Variants in SS18 observed in about 807,000 individuals in gnomAD.
SS18 encodes the protein SS18 subunit of BAF chromatin remodeling complex.
SS18 carries 28 observed loss-of-function variants against 72.5 expected under a neutral mutation model. The observed-to-expected ratio is 0.39, with a 90% CI of 0.29 to 0.53. The LOEUF (loss-of-function observed/expected upper bound fraction) is 0.53, where lower values mean the gene tolerates loss of function less well. SS18 is among the 20% of genes least tolerant of loss of function. The pLI, the probability that SS18 is intolerant of heterozygous loss-of-function variation, is 0.76. For missense variants in SS18, 518 were observed against 535.3 expected, an observed-to-expected ratio of 0.97 and a Z score of 0.32; for synonymous variants, 172 against 164.2, an observed-to-expected ratio of 1.05 and a Z score of -0.37.
At chr18:26,021,443 T>C (rs887027420) in intron 10 of SS18, among the ~76,000 whole-genome samples, 1 of 152,192 alleles carries the variant, frequency 6.6e-6, no homozygotes, top group Non-Finnish European at 1.5e-5. Context: ...GCAGTAGTCA[T>C]GCAGCTTCAC....
At chr18:26,038,214 A>C (rs2053658694) in intron 7 of SS18, among the ~76,000 whole-genome samples, 1 of 152,164 alleles carries the variant, frequency 6.6e-6, no homozygotes, top group South Asian at 2.1e-4. Flanking sequence ...TGGCAGGTGA[A>C]TTATATCTTA....
intron 3 of SS18, among the ~76,000 whole-genome samples, chr18:26,060,596 C>T (rs547695837): frequency 1.3e-5 from 2 of 151,352 alleles, no homozygotes; most frequent in East Asian, 1.9e-4. Flanking sequence ...AGAGAAATAA[C>T]AGAAAATTTA....
intron 4 of SS18, among the ~76,000 whole-genome samples, chr18:26,053,522 AAATT>A (rs1450999895): frequency 6.6e-6 from 1 of 150,650 alleles, no homozygotes; most frequent in East Asian, 2.0e-4. Flanking sequence ...AAAAAACTCA[AAATT>A]AAATAATAAA....
chr18:26,060,213 C>A (rs778087423), intron 3 of SS18, among the ~76,000 whole-genome samples: 1 of 152,106 alleles, frequency 6.6e-6, no homozygotes, highest in Non-Finnish European at 1.5e-5. Flanking sequence ...ATTATTCAGC[C>A]ACAAAGAAGA....
intron 5 of SS18, among the ~76,000 whole-genome samples, chr18:26,044,206 T>A (rs1335776070): frequency 6.6e-6 from 1 of 152,192 alleles, no homozygotes; most frequent in African/African-American, 2.4e-5. Flanking sequence ...TTATAAGTAG[T>A]ACTGCTTAAA....
intron 2 of SS18, among the ~76,000 whole-genome samples, chr18:26,086,195 T>A (rs772683372): frequency 6.6e-6 from 1 of 152,216 alleles, no homozygotes; most frequent in African/African-American, 2.4e-5. Flanking sequence ...GTAGGTGATA[T>A]GCAAATCCTA....
chr18:26,034,134 G>A (rs552086329), intron 9 of SS18, among the ~76,000 whole-genome samples: 3 of 152,122 alleles, frequency 2.0e-5, no homozygotes, highest in East Asian at 3.9e-4. Context: ...ATGCTGAGGG[G>A]GCAAGAGAAT....
intron 10 of SS18, among the ~76,000 whole-genome samples, chr18:26,020,069 A>G (rs1308918585): frequency 1.3e-5 from 2 of 152,226 alleles, no homozygotes; most frequent in South Asian, 2.1e-4. Flanking sequence ...TAAAATAAAC[A>G]TAATAAAAGG....
At chr18:26,043,103 G>A (rs1319192360) in intron 5 of SS18, among the ~76,000 whole-genome samples, 1 of 152,100 alleles carries the variant, frequency 6.6e-6, no homozygotes, top group East Asian at 1.9e-4. Flanking sequence ...GAAACGGGTA[G>A]TATTATTATC....
At chr18:26,075,937 A>G (rs2054403165) in intron 3 of SS18, among the ~76,000 whole-genome samples, 1 of 151,960 alleles carries the variant, frequency 6.6e-6, no homozygotes, top group Non-Finnish European at 1.5e-5. Flanking sequence ...AATAAAACTT[A>G]AAAGACAAAG....
At chr18:26,077,086 A>G (rs549052284) in intron 3 of SS18, among the ~76,000 whole-genome samples, 2 of 152,190 alleles carry the variant, frequency 1.3e-5, no homozygotes, top group Admixed American at 6.5e-5. Context: ...CTGTGATCCC[A>G]AAGTGAAATA....
intron 7 of SS18, among the ~76,000 whole-genome samples, chr18:26,036,280 T>C (rs1567996062): frequency 2.0e-5 from 3 of 152,178 alleles, no homozygotes; most frequent in Admixed American, 1.3e-4. Flanking sequence ...AGGAAGCAAT[T>C]ATCATATTTT....
At chr18:26,040,288 A>C (rs1279662369) in intron 5 of SS18, among the ~76,000 whole-genome samples, 1 of 152,172 alleles carries the variant, frequency 6.6e-6, no homozygotes, top group African/African-American at 2.4e-5. Flanking sequence ...AACAATAAAC[A>C]ATGGCCATAA....
intron 3 of SS18, among the ~76,000 whole-genome samples, chr18:26,073,669 T>C (rs562949514): frequency 1.6e-4 from 25 of 152,332 alleles, no homozygotes; most frequent in Admixed American, 5.9e-4. Context: ...AAGAAAAAGA[T>C]AGTTTCAGTT....
intron 3 of SS18, among the ~76,000 whole-genome samples, chr18:26,061,390 C>T (rs868465074): frequency 2.0e-5 from 3 of 152,118 alleles, no homozygotes; most frequent in African/African-American, 7.2e-5. Context: ...GTAAGAAAGT[C>T]AAATGACAAT....
At chr18:26,050,385 G>GTA (rs2053900708) in intron 5 of SS18, among the ~76,000 whole-genome samples, 1 of 151,830 alleles carries the variant, frequency 6.6e-6, no homozygotes, top group African/African-American at 2.4e-5. Flanking sequence ...AACTTTCAAT[G>GTA]TAAAATATGC....
At position 26,023,787 on chromosome 18, in the gene SS18, T is replaced by C. The variant is rs144228634; in HGVS notation, c.1231-5407A>G. On this transcript the variant is annotated intron_variant, in intron 10 of 10. Coordinates refer to ENST00000415083, the MANE Select transcript of SS18 (RefSeq NM_001007559.3). ...GATACCACATAGTAATATGAATCCATACATAAATAATGAAGAGTACCAAAA... is the reference window on the plus strand; with the variant it reads ...GATACCACATAGTAATATGAATCCACACATAAATAATGAAGAGTACCAAAA... Among the ~76,000 whole-genome samples the C allele has an allele frequency of 3.6e-3, 551 of 152,308 alleles. 1 individual carries two copies. Among genetic ancestry groups the C allele is most frequent in the Admixed American group, 5.0e-3 (76 of 15,294 alleles).
chr18:26,051,600 C>A (rs2053925238), intron 5 of SS18, among the ~76,000 whole-genome samples: 1 of 152,138 alleles, frequency 6.6e-6, no homozygotes, highest in Non-Finnish European at 1.5e-5. Context: ...CACATGAACT[C>A]CCTTCTGATC....
At chr18:26,071,643 C>T (rs983173162) in intron 3 of SS18, among the ~76,000 whole-genome samples, 33 of 151,910 alleles carry the variant, frequency 2.2e-4, no homozygotes, top group African/African-American at 7.7e-4. Flanking sequence ...CTAGCCCGGG[C>T]GATATAAGAC....
Sources: allele counts gnomAD v4.1 joint callset (sites outside exome capture counted in the v4.1 genomes callset), GRCh38; gene constraint gnomAD v4.1.1; transcripts MANE v1.5; gene names NCBI Gene and HGNC (gene_info 2026-07-23, HGNC 2026-07-21).